Variants in BNC2 observed in about 807,000 individuals in gnomAD.
BNC2 encodes the protein zinc finger protein basonuclin-2.
In BNC2, 20 loss-of-function variants were observed where a neutral mutation model predicts 76.3. That is an observed-to-expected ratio of 0.26 (90% CI 0.18 to 0.38). The LOEUF (loss-of-function observed/expected upper bound fraction) is 0.38. Ranked by LOEUF, BNC2 falls within the 10% of genes least tolerant of loss-of-function variation. The pLI, the probability that BNC2 is intolerant of heterozygous loss-of-function variation, is 1.00. For missense variants in BNC2, 1,382 were observed against 1,399.8 expected (o/e 0.99, Z 0.20); for synonymous variants, 582 against 514.8 (o/e 1.13, Z -1.77).
intron 3 of BNC2, among the ~76,000 whole-genome samples, chr9:16,605,350 A>G (rs893128244): frequency 6.6e-6 from 1 of 152,242 alleles, no homozygotes; most frequent in South Asian, 2.1e-4. Context: ...GGACAAACTC[A>G]GCTTATCCTG....
intron 1 of BNC2, among the ~76,000 whole-genome samples, chr9:16,810,458 T>G (rs1818018634): frequency 1.3e-5 from 2 of 152,334 alleles, no homozygotes; most frequent in Non-Finnish European, 2.9e-5. Flanking sequence ...TTTGTTTACC[T>G]CATGTGAATG....
chr9:16,830,244 T>C (rs754860569), intron 1 of BNC2, among the ~76,000 whole-genome samples: 4 of 152,198 alleles, frequency 2.6e-5, no homozygotes, highest in Non-Finnish European at 5.9e-5. Context: ...CATACACAGT[T>C]ATCAGCTTGG....
chr9:16,831,910 T>G (rs73420790), intron 1 of BNC2, among the ~76,000 whole-genome samples: 5 of 152,174 alleles, frequency 3.3e-5, no homozygotes, highest in Non-Finnish European at 4.4e-5. Context: ...GCTATTAGAT[T>G]TGCACTCCTA....
At chr9:16,539,935 G>A (rs1214464485) in intron 5 of BNC2, among the ~76,000 whole-genome samples, 2 of 151,816 alleles carry the variant, frequency 1.3e-5, no homozygotes, top group East Asian at 3.9e-4. Context: ...ATATTTTAAA[G>A]ACTACACACT....
chr9:16,700,964 T>C (rs1041825394), intron 3 of BNC2, among the ~76,000 whole-genome samples: 4 of 152,178 alleles, frequency 2.6e-5, no homozygotes, highest in African/African-American at 9.7e-5. Context: ...AAAATTATAC[T>C]GATTAGCTTT....
rs569655760 is a variant in BNC2, at chr9:16,470,680, C to G, written c.670-33156G>C. On this transcript the variant is annotated intron_variant, in intron 5 of 6. Transcript: ENST00000380672. ...GCTTCAGAGGGTGGAAGCCCCAAGCCTTAGCAGCTTCTACATGGCGTTCTG... is the reference window on the plus strand; with the variant it reads ...GCTTCAGAGGGTGGAAGCCCCAAGCGTTAGCAGCTTCTACATGGCGTTCTG... Among the ~76,000 whole-genome samples, 14 of 152,350 alleles carry G rather than the reference C, an allele frequency of 9.2e-5. No homozygotes were observed. The East Asian group carries it at 2.7e-3, about 29-fold the overall frequency.
chr9:16,632,682 C>T (rs1821197679), intron 3 of BNC2, among the ~76,000 whole-genome samples: 1 of 152,188 alleles, frequency 6.6e-6, no homozygotes, highest in African/African-American at 2.4e-5. Flanking sequence ...TTTGCTCACC[C>T]ATTACACTGA....
intron 1 of BNC2, among the ~76,000 whole-genome samples, chr9:16,811,716 T>C (rs1373166887): frequency 6.6e-6 from 1 of 152,146 alleles, no homozygotes; most frequent in East Asian, 1.9e-4. Context: ...TGGGAAGCTA[T>C]GCATGTGGAG....
intron 4 of BNC2, among the ~76,000 whole-genome samples, chr9:16,571,379 T>A (rs765701145): frequency 1.6e-4 from 25 of 152,220 alleles, no homozygotes; most frequent in Non-Finnish European, 3.5e-4. Context: ...ATATATAGGA[T>A]AAATGTTATC....
chr9:16,849,024 A>T (rs1343944570), intron 1 of BNC2, among the ~76,000 whole-genome samples: 1 of 152,166 alleles, frequency 6.6e-6, no homozygotes, highest in Non-Finnish European at 1.5e-5. Context: ...CCAAAATCTG[A>T]ATAAATCTGA....
intron 3 of BNC2, among the ~76,000 whole-genome samples, chr9:16,659,793 C>T (rs144077265): frequency 4.6e-5 from 7 of 152,264 alleles, no homozygotes; most frequent in Admixed American, 3.3e-4. Flanking sequence ...AAATAACAGG[C>T]TCCTCTCTAG....
intron 1 of BNC2, among the ~76,000 whole-genome samples, chr9:16,788,936 C>G (rs535050829): frequency 2.0e-5 from 3 of 152,134 alleles, no homozygotes; most frequent in Non-Finnish European, 4.4e-5. Flanking sequence ...TCCTCCTTGG[C>G]ATCTCTATTC....
chr9:16,546,359 A>G (rs946569075), intron 5 of BNC2, among the ~76,000 whole-genome samples: 2 of 152,228 alleles, frequency 1.3e-5, no homozygotes, highest in East Asian at 1.9e-4. Context: ...CTCAATATCC[A>G]GAGCCCTTTT....
intron 3 of BNC2, among the ~76,000 whole-genome samples, chr9:16,693,962 G>A (rs1000946647): frequency 3.9e-5 from 6 of 152,262 alleles, no homozygotes; most frequent in East Asian, 1.9e-4. Context: ...ATCTTTCCGC[G>A]GCAATCAAGA....
At chr9:16,534,396 T>C (rs1193494286) in intron 5 of BNC2, among the ~76,000 whole-genome samples, 1 of 152,118 alleles carries the variant, frequency 6.6e-6, no homozygotes, top group Non-Finnish European at 1.5e-5. Context: ...CATGAGAAAA[T>C]CATTTCTAAA....
chr9:16,617,704 C>A (rs2133537966), intron 3 of BNC2, among the ~76,000 whole-genome samples: 1 of 152,292 alleles, frequency 6.6e-6, no homozygotes, highest in Middle Eastern at 3.4e-3. Context: ...TCTCAGCACC[C>A]AGTTTTATTT....
intron 1 of BNC2, among the ~76,000 whole-genome samples, chr9:16,827,150 C>T (rs144234410): frequency 6.6e-6 from 1 of 152,274 alleles, no homozygotes; most frequent in African/African-American, 2.4e-5. Context: ...GAGAGGAAAA[C>T]ATAATTTTAT....
At chr9:16,784,499 G>C (rs1007686333) in intron 1 of BNC2, among the ~76,000 whole-genome samples, 2 of 152,134 alleles carry the variant, frequency 1.3e-5, no homozygotes, top group East Asian at 1.9e-4. Context: ...ATATGGATAG[G>C]ACACAATATC....
At chr9:16,669,173 C>T (rs189199870) in intron 3 of BNC2, among the ~76,000 whole-genome samples, 1 of 152,082 alleles carries the variant, frequency 6.6e-6, no homozygotes, top group Admixed American at 6.6e-5. Context: ...TAATATTGTA[C>T]GTATTGATTG....
Sources: gnomAD v4.1 joint callset for allele counts (sites outside exome capture counted in the v4.1 genomes callset) on GRCh38, gnomAD v4.1.1 for gene constraint, MANE v1.5 for transcripts, NCBI Gene and HGNC (gene_info 2026-07-23, HGNC 2026-07-21) for gene names.